NTSR2: variants seen among roughly 807,000 people sequenced by gnomAD.
NTSR2 encodes the protein neurotensin receptor type 2.
Under a neutral mutation model 24.1 loss-of-function variants are expected in NTSR2, and 22 were observed. The observed-to-expected ratio is 0.91, with a 90% CI of 0.65 to 1.30. The LOEUF (loss-of-function observed/expected upper bound fraction) is 1.30, where lower values mean the gene tolerates loss of function less well. NTSR2 is among the 50% of genes most tolerant of loss of function. NTSR2 has a pLI of 0.00. For synonymous variants in NTSR2, 291 were observed against 267.0 expected, an observed-to-expected ratio of 1.09 and a Z score of -0.88; for missense variants, 570 against 570.4, an observed-to-expected ratio of 1.00 and a Z score of 0.01.
intron 1 of NTSR2, 46 bp downstream of exon 1, chr2:11,669,460 G>GGGGCGGGGGGGGGCCCCCC: frequency 3.9e-6 from 1 of 254,724 alleles, no homozygotes. Context: ...TCCCAGCACC[G>GGGGCGGGGGGGGGCCCCCC]CCCCCCCACC....
At chr2:11,667,587 C>T (rs1661232476) in intron 1 of NTSR2, among the ~76,000 whole-genome samples, 1 of 152,218 alleles carries the variant, frequency 6.6e-6, no homozygotes, top group Non-Finnish European at 1.5e-5. Flanking sequence ...TCAACTGATC[C>T]TCCTGCCTTA....
At chr2:11,662,608 T>A (rs1006135797) in intron 1 of NTSR2, among the ~76,000 whole-genome samples, 2 of 152,056 alleles carry the variant, frequency 1.3e-5, no homozygotes, top group Admixed American at 6.6e-5. Flanking sequence ...GGTGAAACCC[T>A]GTCTCTACTA....
At chr2:11,669,460 G>GGGGGCGGGGGGGGGCGCCCCCCCCGCCCC in intron 1 of NTSR2, 46 bp downstream of exon 1, 1 of 254,726 alleles carries the variant, frequency 3.9e-6, no homozygotes, top group Non-Finnish European at 6.9e-6. Flanking sequence ...TCCCAGCACC[G>GGGGGCGGGGGGGGGCGCCCCCCCCGCCCC]CCCCCCCACC....
Position 11,662,116 on chromosome 2 carries a change from G to T in NTSR2, c.749C>A (p.Thr250Asn), listed in dbSNP as rs1210835903. 3.1e-6 allele frequency: 5 copies of T among 1,612,698 alleles called. No homozygotes were observed. The highest frequency in any genetic ancestry group is 2.7e-5 in the African/African-American group (2 of 74,872). Residue 250 changes from threonine (T) to asparagine (N), a missense_variant, in exon 2 of 4, where the codon ACC becomes AAC. Coordinates refer to ENST00000306928, the MANE Select transcript of NTSR2 (RefSeq NM_012344.4). ...VPSTSTPGSS[T>N]PSRLELLSEE... Reference sequence around the variant, plus strand: ...ACTCAGCAGCTCCAGGCGGCTGGGGGTGGAGCTGCCCGGGGTAGAAGTGGA... The same window carrying T: ...ACTCAGCAGCTCCAGGCGGCTGGGGTTGGAGCTGCCCGGGGTAGAAGTGGA...
chr2:11,669,628 G>C lies in NTSR2; in HGVS notation c.502C>G (p.Leu168Val), dbSNP rs11556848. 6.4e-7 allele frequency: 1 copy of C among 1,573,576 alleles called. No homozygotes were observed. The highest frequency in any genetic ancestry group is 8.6e-7 in the Non-Finnish European group (1 of 1,166,890). The change falls in exon 1 of 4, where the codon CTG (leucine) becomes GTG (valine). Residue 168 changes from leucine to valine, a missense_variant. Coordinates refer to ENST00000306928, the MANE Select transcript of NTSR2 (RefSeq NM_012344.4). ...TGCCCCATGATGACGGCCATGGGCA[G>C]GGCGAGGCCGAGCGAGGCGGCCCAC... ...LSWAASLGLA[L>V]PMAVIMGQKH...
intron 1 of NTSR2, 77 bp from the exon 2 acceptor site, chr2:11,662,317 C>A: frequency 7.4e-7 from 1 of 1,355,568 alleles, no homozygotes; most frequent in Non-Finnish European, 9.7e-7. Context: ...GCCCCAGACC[C>A]GGAATCTGCA....
At chr2:11,668,324 G>T (rs1206418456) in intron 1 of NTSR2, among the ~76,000 whole-genome samples, 4 of 152,224 alleles carry the variant, frequency 2.6e-5, no homozygotes, top group Admixed American at 1.3e-4. Context: ...CGAGGAGAGG[G>T]TATAGGAAGA....
At position 11,658,420 on chromosome 2, in the gene NTSR2, T is replaced by G; in HGVS notation, c.*59A>C. ...ATTAGTGATGAGGTTGCTCACCTGC[T>G]TTGCCAGGTGACTAAGCAGCTGGTC... On this transcript the variant is annotated 3_prime_UTR_variant, in exon 4 of 4. Coordinates refer to ENST00000306928, the MANE Select transcript of NTSR2 (RefSeq NM_012344.4). 6.5e-7 allele frequency: 1 copy of G among 1,528,032 alleles called. No homozygotes were observed. Among genetic ancestry groups the G allele is most frequent in the East Asian group, 2.3e-5 (1 of 44,176 alleles). The allele number at this position is 1,528,032 out of a possible 1,614,324, so 94.7% of individuals were successfully genotyped here. A position where few individuals can be genotyped will look rare whatever the true frequency, so the allele number is the denominator to read the frequency against.
chr2:11,669,855 T>TC lies in NTSR2; in HGVS notation c.274_275insG (p.Tyr92Ter). Residue 92 changes from tyrosine to a stop codon, truncating the protein, a stop_gained and frameshift_variant, in exon 1 of 4, where the codon TAC becomes TGAC. Coordinates refer to ENST00000306928, the MANE Select transcript of NTSR2 (RefSeq NM_012344.4). LOFTEE classifies it high-confidence loss of function. ...GGGGTAGTGGAACCACACGAAGCTG[T>TC]AGAGCTCCACCGGCACGCCGACCAG... ...LLLVGVPVEL[Y>*]SFVWFHYPWV... 1 of 1,585,604 alleles carries TC rather than the reference T, an allele frequency of 6.3e-7. No individual in the cohort carries two copies. Among genetic ancestry groups the TC allele is most frequent in the East Asian group, 2.3e-5 (1 of 44,050 alleles).
intron 1 of NTSR2, among the ~76,000 whole-genome samples, chr2:11,663,201 G>T (rs1459193896): frequency 1.3e-5 from 2 of 152,130 alleles, no homozygotes; most frequent in Non-Finnish European, 2.9e-5. Context: ...GAGATTAAAA[G>T]AACATGTTCT....
At chr2:11,663,400 G>C (rs1413188389) in intron 1 of NTSR2, among the ~76,000 whole-genome samples, 1 of 152,048 alleles carries the variant, frequency 6.6e-6, no homozygotes, top group Admixed American at 6.5e-5. Flanking sequence ...AGAGCTCCAG[G>C]GAGAACTGAA....
intron 1 of NTSR2, among the ~76,000 whole-genome samples, chr2:11,664,150 G>A (rs1204696228): frequency 7.3e-6 from 1 of 136,598 alleles, no homozygotes; most frequent in East Asian, 2.1e-4. Context: ...TTTTTGAGAC[G>A]AGGTCGCCCA....
At position 11,662,072 on chromosome 2, in the gene NTSR2, A is replaced by G. The variant is rs750378219; in HGVS notation, c.793T>C (p.Phe265Leu). 2.5e-6 allele frequency: 4 copies of G among 1,613,682 alleles called. No individual in the cohort carries two copies. The highest frequency in any genetic ancestry group is 3.4e-6 in the Non-Finnish European group (4 of 1,179,932). ...ELLSEEGLLS[F>L]IVWKKTFIQG... Reference sequence around the variant, plus strand: ...ATAAAGGTCTTCTTCCATACGATGAAGCTGAGGAGACCCTCCTCACTCAGC... The same window carrying G: ...ATAAAGGTCTTCTTCCATACGATGAGGCTGAGGAGACCCTCCTCACTCAGC... The change falls in exon 2 of 4, where the codon TTC (phenylalanine) becomes CTC (leucine). Residue 265 changes from phenylalanine (F) to leucine (L), a missense_variant. Coordinates refer to ENST00000306928, the MANE Select transcript of NTSR2 (RefSeq NM_012344.4).
rs746286156 is a variant in NTSR2, at chr2:11,670,011, G to A, written c.119C>T (p.Ala40Val). ...WAKVLFTALY[A>V]LIWALGAAGN... ...CGCCGCGCCCAGCGCCCAGATGAGT[G>A]CGTAGAGCGCGGTGAACAGCACCTT... The change falls in exon 1 of 4, where the codon GCA (alanine) becomes GTA (valine). Residue 40 changes from alanine (A) to valine (V), a missense_variant. Ala to Val is a moderately conservative substitution (Grantham distance 64). Coordinates refer to ENST00000306928, the MANE Select transcript of NTSR2 (RefSeq NM_012344.4). 1.4e-5 allele frequency: 22 copies of A among 1,517,254 alleles called. No homozygotes were observed. Among genetic ancestry groups the A allele is most frequent in the Non-Finnish European group, 1.8e-5 (20 of 1,138,320 alleles). 94.0% of individuals were successfully genotyped at this position (1,517,254 alleles called of 1,614,324 possible). A position where few individuals can be genotyped will look rare whatever the true frequency, so the allele number is the denominator to read the frequency against.
chr2:11,669,460 G>GGGGGGGGGGGGGGGCGGGGCCCCCCCCC, intron 1 of NTSR2, 46 bp downstream of exon 1: 1 of 254,726 alleles, frequency 3.9e-6, no homozygotes. Context: ...TCCCAGCACC[G>GGGGGGGGGGGGGGGCGGGGCCCCCCCCC]CCCCCCCACC....
At chr2:11,663,151 AT>A (rs966755581) in intron 1 of NTSR2, among the ~76,000 whole-genome samples, 11 of 151,914 alleles carry the variant, frequency 7.2e-5, no homozygotes, top group Non-Finnish European at 1.2e-4. Context: ...CAAATTCTCA[AT>A]TTTTTTTTAC....
intron 2 of NTSR2, among the ~76,000 whole-genome samples, 153 bp downstream of exon 2, chr2:11,661,814 A>G (rs148295943): frequency 1.3e-5 from 2 of 152,244 alleles, no homozygotes; most frequent in Admixed American, 1.3e-4. Flanking sequence ...ACCCTACAGG[A>G]AGTCTGTTGG....
chr2:11,665,217 G>A (rs2148487174), intron 1 of NTSR2, among the ~76,000 whole-genome samples: 2 of 152,322 alleles, frequency 1.3e-5, no homozygotes, highest in South Asian at 4.1e-4. Flanking sequence ...GCGGAGAACT[G>A]CGCAGCCAGG....
In NTSR2 at chr2:11,669,755, G is replaced by T. The variant is rs539180082; in HGVS notation, c.375C>A (p.Ser125Arg). The T allele has an allele frequency of 1.3e-6, 2 of 1,539,942 alleles. No individual in the cohort carries two copies. The highest frequency in any genetic ancestry group is 2.4e-5 in the East Asian group (1 of 41,304). ...HELCAYATVL[S>R]VAGLSAERCL... ...AGCGCTCGGCGCTCAGGCCTGCCAC[G>T]CTCAGCACCGTGGCGTAGGCGCACA... The change falls in exon 1 of 4, where the codon AGC (serine) becomes AGA (arginine). Residue 125 changes from serine (S) to arginine (R), a missense_variant. Ser to Arg is a moderately radical substitution (Grantham distance 110, BLOSUM62 -1). Coordinates refer to ENST00000306928, the MANE Select transcript of NTSR2 (RefSeq NM_012344.4).
Sources: gnomAD v4.1 joint callset for allele counts (sites outside exome capture counted in the v4.1 genomes callset) on GRCh38, gnomAD v4.1.1 for gene constraint, MANE v1.5 for transcripts, NCBI Gene and HGNC (gene_info 2026-07-23, HGNC 2026-07-21) for gene names.